Variants in PGK1 observed in about 807,000 individuals in gnomAD.
PGK1 encodes phosphoglycerate kinase 1.
Under a neutral mutation model 26.9 loss-of-function variants are expected in PGK1, and 3 were observed. That is an observed-to-expected ratio of 0.11 (90% CI 0.05 to 0.29). PGK1 has a LOEUF of 0.29. PGK1 is among the 10% of genes least tolerant of loss of function. The pLI, the probability that PGK1 is intolerant of heterozygous loss-of-function variation, is 1.00. For synonymous variants in PGK1, 125 were observed against 115.3 expected (o/e 1.08, Z -0.54); for missense variants, 270 against 314.7 (o/e 0.86, Z 1.07).
At chrX:78,117,972 A>C (rs1262619814) in intron 5 of PGK1, 79 bp from the exon 6 acceptor site, 13 of 933,532 alleles carry the variant, frequency 1.4e-5, no homozygotes, top group Middle Eastern at 7.9e-4. Context: ...GAAATATTTT[A>C]GTGATAAGGA....
chrX:78,123,186 C>T lies in PGK1; in HGVS notation c.757-9C>T, dbSNP rs782105365. Reference sequence around the variant, plus strand: ...TGCTGACCTCCATCATTTTGGCTCCCCTGTGTAGATTGGCACTTCTCTGTT... The same window carrying T: ...TGCTGACCTCCATCATTTTGGCTCCTCTGTGTAGATTGGCACTTCTCTGTT... On this transcript the variant is annotated splice_polypyrimidine_tract_variant and intron_variant, in intron 7 of 10. Coordinates refer to ENST00000373316, the MANE Select transcript of PGK1 (RefSeq NM_000291.4). The T allele has an allele frequency of 5.0e-6, 6 of 1,199,153 alleles. No homozygotes were observed. The Admixed American group carries it at 8.7e-5, about 17-fold the overall frequency.
In PGK1 at chrX:78,114,135, A is replaced by G. The variant is rs2078314832; in HGVS notation, c.392A>G (p.Lys131Arg). Residue 131 changes from lysine (K) to arginine (R), a missense_variant, in exon 4 of 11, where the codon AAG becomes AGG. Physicochemically the swap from Lys to Arg is conservative, Grantham distance 26. Transcript: ENST00000373316. ...NLRFHVEEEG[K>R]GKDASGNKVK... is the part of the protein sequence containing the mutation. ...CGCTTTCATGTGGAGGAAGAAGGGA[A>G]GGGAAAAGATGCTTCTGGGAACAAG... 1.7e-6 allele frequency: 2 copies of G among 1,211,164 alleles called. No homozygotes were observed. Among genetic ancestry groups the G allele is most frequent in the Non-Finnish European group, 2.2e-6 (2 of 894,827 alleles).
At position 78,126,070 on chromosome X, in the gene PGK1, C is replaced by T. The variant is rs1287297396; in HGVS notation, c.*240C>T. On this transcript the variant is annotated 3_prime_UTR_variant, in exon 11 of 11. Transcript: ENST00000373316. Reference sequence around the variant, plus strand: ...TTTAGTGACTAAACCATTGTGCATTCTAGAGTGCATATATTTATATTTTGC... The same window carrying T: ...TTTAGTGACTAAACCATTGTGCATTTTAGAGTGCATATATTTATATTTTGC... The T allele has an allele frequency of 4.7e-6, 2 of 422,549 alleles. No homozygotes were observed. The highest frequency in any genetic ancestry group is 7.6e-5 in the East Asian group (2 of 26,169). 34.8% of individuals were successfully genotyped at this position (422,549 alleles called of 1,213,427 possible). A position where few individuals can be genotyped will look rare whatever the true frequency, so the allele number is the denominator to read the frequency against.
At chrX:78,120,956 CTG>C (rs781987369) in intron 6 of PGK1, among the ~76,000 whole-genome samples, 65 of 112,285 alleles carry the variant, frequency 5.8e-4, no homozygotes, top group African/African-American at 2.1e-3. Flanking sequence ...GCATCCTAAT[CTG>C]AAAATATGAA....
intron 1 of PGK1, among the ~76,000 whole-genome samples, chrX:78,108,838 CT>C (rs201063682): frequency 3.5e-3 from 390 of 111,923 alleles, no homozygotes; most frequent in African/African-American, 0.012. Context: ...AACAACAACA[CT>C]TTTATGGCAT....
rs2078314468 is a variant in PGK1 at position 78,114,087 on chromosome X, C to G, written c.344C>G (p.Ser115Cys). ...GCCTGTGCCAACCCAGCTGCTGGGT[C>G]TGTCATCCTGCTGGAGAACCTCCGC... is the stretch of plus-strand genomic sequence containing the variant. ...EKACANPAAG[S>C]VILLENLRFH... is the part of the protein sequence containing the mutation. Residue 115 changes from serine (S) to cysteine (C), a missense_variant, in exon 4 of 11, where the codon TCT becomes TGT. Physicochemically the swap from Ser to Cys is moderately radical, Grantham distance 112 (BLOSUM62 -1). Coordinates refer to ENST00000373316, the MANE Select transcript of PGK1 (RefSeq NM_000291.4). The G allele has an allele frequency of 1.7e-6, 2 of 1,205,359 alleles. No homozygotes were observed. Among genetic ancestry groups the G allele is most frequent in the Admixed American group, 4.4e-5 (2 of 45,715 alleles).
chrX:78,121,679 A>T (rs1473784671), intron 6 of PGK1, among the ~76,000 whole-genome samples: 1 of 112,477 alleles, frequency 8.9e-6, no homozygotes, highest in Non-Finnish European at 1.9e-5. Context: ...GCAGGCTATT[A>T]CTTTGTTTCT....
chrX:78,117,173 TC>T (rs2078330542), intron 4 of PGK1, 138 bp from the exon 5 acceptor site: 1 of 509,334 alleles, frequency 2.0e-6, no homozygotes, highest in Non-Finnish European at 3.5e-6. Context: ...AAAGAACACA[TC>T]CTACTGCTGG....
chrX:78,113,974 C>T lies in PGK1; in HGVS notation c.273-42C>T, dbSNP rs782397963. 9.1e-6 allele frequency: 11 copies of T among 1,206,397 alleles called. No individual in the cohort carries two copies. In the Admixed American group the frequency reaches 1.1e-4, roughly 12 times the overall value. Reference sequence around the variant, plus strand: ...CAAGCACGTTGTTACTGGTTTTTAACTTTCATACTGCTCAAGTGTCTTCAT... The same window carrying T: ...CAAGCACGTTGTTACTGGTTTTTAATTTTCATACTGCTCAAGTGTCTTCAT... On this transcript the variant is annotated intron_variant, in intron 3 of 10. Coordinates refer to ENST00000373316, the MANE Select transcript of PGK1 (RefSeq NM_000291.4).
At chrX:78,113,017 C>A (rs934169615) in intron 2 of PGK1, among the ~76,000 whole-genome samples, 6 of 112,292 alleles carry the variant, frequency 5.3e-5, no homozygotes, top group Admixed American at 9.4e-5. Flanking sequence ...TTACAAACTT[C>A]TGCTGGGTGT....
chrX:78,106,165 A>G (rs2078271703), intron 1 of PGK1, among the ~76,000 whole-genome samples: 1 of 111,609 alleles, frequency 9.0e-6, no homozygotes, highest in Non-Finnish European at 1.9e-5. Flanking sequence ...AGTTTCATTT[A>G]GCACACGCTA....
intron 8 of PGK1, 73 bp downstream of exon 8, chrX:78,123,447 CA>C: frequency 1.2e-6 from 1 of 835,045 alleles, no homozygotes; most frequent in Non-Finnish European, 1.8e-6. Context: ...TTGATTCAGC[CA>C]ATCAACAAGC....
At chrX:78,107,533 C>T (rs1202062436) in intron 1 of PGK1, among the ~76,000 whole-genome samples, 1 of 112,174 alleles carries the variant, frequency 8.9e-6, no homozygotes, top group Non-Finnish European at 1.9e-5. Flanking sequence ...AGCATAATGT[C>T]CTCAAAATTT....
At chrX:78,106,720 A>T (rs1289846784) in intron 1 of PGK1, 2 of 609,283 alleles carry the variant, frequency 3.3e-6, no homozygotes, top group African/African-American at 4.9e-5. Flanking sequence ...ACCAGGTTCC[A>T]TCTTAGTTTT....
intron 4 of PGK1, among the ~76,000 whole-genome samples, chrX:78,115,552 G>A (rs1275364215): frequency 9.0e-6 from 1 of 111,445 alleles, no homozygotes; most frequent in Non-Finnish European, 1.9e-5. Context: ...TACTCCGGAG[G>A]CTGAGGCAGG....
At chrX:78,107,939 G>A (rs1363469336) in intron 1 of PGK1, among the ~76,000 whole-genome samples, 2 of 107,256 alleles carry the variant, frequency 1.9e-5, no homozygotes, top group African/African-American at 7.0e-5. Flanking sequence ...CTGAAGCAAA[G>A]CTCAGGGGTG....
rs782449746 is a variant in PGK1, at chrX:78,107,115, C to G, written c.65+2710C>G. Among the ~76,000 whole-genome samples the G allele has an allele frequency of 4.5e-5, 5 of 111,121 alleles. 1 individual carries two copies. The highest frequency in any genetic ancestry group is 6.6e-5 in the African/African-American group (2 of 30,490). ...TAGAGACTTGATATTCTTATTCCAG[C>G]TAAATCAGTATATTTTTTAATGTTT... is the stretch of plus-strand genomic sequence containing the variant. On this transcript the variant is annotated intron_variant, in intron 1 of 10. Coordinates refer to ENST00000373316, the MANE Select transcript of PGK1 (RefSeq NM_000291.4).
At chrX:78,105,207 C>G (rs1253802840) in intron 1 of PGK1, among the ~76,000 whole-genome samples, 3 of 112,241 alleles carry the variant, frequency 2.7e-5, no homozygotes, top group Non-Finnish European at 5.6e-5. Flanking sequence ...ATGTGGATCT[C>G]TAGTCACTTG....
In PGK1 at chrX:78,117,298, G is replaced by A. The variant is rs782209854; in HGVS notation, c.418-14G>A. 1.8e-6 allele frequency: 2 copies of A among 1,137,640 alleles called. No homozygotes were observed. The highest frequency in any genetic ancestry group is 6.0e-5 in the East Asian group (2 of 33,501). The allele number at this position is 1,137,640 out of a possible 1,213,427, so 93.8% of individuals were successfully genotyped here. On this transcript the variant is annotated splice_polypyrimidine_tract_variant and intron_variant, in intron 4 of 10. Coordinates refer to ENST00000373316, the MANE Select transcript of PGK1 (RefSeq NM_000291.4). ...TGGAGCCATCACATTTTCTGTTTTT[G>A]TTTTTCTCTATAGGTTAAAGCCGAG...
Sources: allele counts gnomAD v4.1 joint callset (sites outside exome capture counted in the v4.1 genomes callset), GRCh38; gene constraint gnomAD v4.1.1; transcripts MANE v1.5; gene names NCBI Gene and HGNC (gene_info 2026-07-23, HGNC 2026-07-21).